Variants in GRB10 observed in about 807,000 individuals in gnomAD.
GRB10 encodes the protein growth factor receptor-bound protein 10.
In GRB10, 20 loss-of-function variants were observed where a neutral mutation model predicts 80.9. The observed-to-expected ratio is 0.25, with a 90% confidence interval of 0.17 to 0.36. The LOEUF is 0.36. Ranked by LOEUF, GRB10 falls within the 10% of genes least tolerant of loss-of-function variation. The probability of loss-of-function intolerance (pLI) is 1.00; values close to 1 mark genes in which losing one functional copy is unlikely to be tolerated. For missense variants in GRB10, 548 were observed against 747.7 expected (o/e 0.73, Z 3.12); for synonymous variants, 291 against 291.5 (o/e 1.00, Z 0.02).
At chr7:50,780,759 C>G (rs938989204) in intron 1 of GRB10, 23 bp from the exon 2 acceptor site, 3 of 152,202 alleles carry the variant, frequency 2.0e-5, no homozygotes, top group Non-Finnish European at 4.4e-5. Context: ...TAAAACCATT[C>G]TAGTCCAAGC....
chr7:50,639,533 C>A (rs1009696717), intron 7 of GRB10, among the ~76,000 whole-genome samples: 1 of 152,116 alleles, frequency 6.6e-6, no homozygotes, highest in Non-Finnish European at 1.5e-5. Flanking sequence ...ATTAGCCGGG[C>A]GTAGTGGCAG....
chr7:50,687,638 T>C (rs1371930860), intron 5 of GRB10, among the ~76,000 whole-genome samples: 1 of 152,214 alleles, frequency 6.6e-6, no homozygotes, highest in African/African-American at 2.4e-5. Context: ...TGTCACTACC[T>C]TCTTCTCTGC....
At chr7:50,772,235 A>G (rs2077048730) in intron 2 of GRB10, among the ~76,000 whole-genome samples, 1 of 152,182 alleles carries the variant, frequency 6.6e-6, no homozygotes, top group African/African-American at 2.4e-5. Flanking sequence ...TCAAGACCAC[A>G]AAATGGCCAC....
At chr7:50,765,994 G>A (rs373330364) in intron 2 of GRB10, among the ~76,000 whole-genome samples, 20 of 152,256 alleles carry the variant, frequency 1.3e-4, no homozygotes, top group African/African-American at 4.8e-4. Context: ...TAATTCCGCA[G>A]AGCAAAAGGA....
At chr7:50,670,006 C>A in intron 6 of GRB10, 143 bp from the exon 7 acceptor site, 1 of 981,430 alleles carries the variant, frequency 1.0e-6, no homozygotes, top group South Asian at 1.4e-5. Flanking sequence ...GCATCCTTCA[C>A]AAAAGCCAAA....
intron 2 of GRB10, among the ~76,000 whole-genome samples, chr7:50,764,209 TCCA>T (rs1209964925): frequency 1.3e-5 from 2 of 152,204 alleles, no homozygotes; most frequent in African/African-American, 4.8e-5. Context: ...CCTGTCCCTG[TCCA>T]CCCTGAGGGA....
At chr7:50,678,831 T>A (rs1305418919) in intron 5 of GRB10, among the ~76,000 whole-genome samples, 1 of 152,204 alleles carries the variant, frequency 6.6e-6, no homozygotes, top group African/African-American at 2.4e-5. Flanking sequence ...GTCCCATGAA[T>A]CCAAGTGGAT....
At chr7:50,771,473 G>A (rs1460804503) in intron 2 of GRB10, among the ~76,000 whole-genome samples, 1 of 152,168 alleles carries the variant, frequency 6.6e-6, no homozygotes, top group Non-Finnish European at 1.5e-5. Flanking sequence ...GAGTCAGAAG[G>A]AAAATGTCAT....
intron 17 of GRB10, among the ~76,000 whole-genome samples, chr7:50,600,669 A>G (rs150886140): frequency 0.01 from 1,580 of 152,344 alleles, 25 homozygotes; most frequent in African/African-American, 0.037. Context: ...TGGGAAAAAC[A>G]AAAGTGTCTG....
Position 50,673,035 on chromosome 7 carries a change from G to A in GRB10, c.362+1401C>T, listed in dbSNP as rs760048249. Among the ~76,000 whole-genome samples the A allele has an allele frequency of 5.9e-5, 9 of 152,328 alleles. No homozygotes were observed. The South Asian group carries it at 1.7e-3, about 28-fold the overall frequency. ...AGGGCCGCTGCACCCTCTCCCCTCC[G>A]TAAGAAACAGCTGCCACCTGGGGCA... On this transcript the variant is annotated intron_variant, in intron 6 of 18. Transcript: ENST00000401949.
chr7:50,688,701 T>C (rs1187416956), intron 5 of GRB10, among the ~76,000 whole-genome samples: 1 of 149,904 alleles, frequency 6.7e-6, no homozygotes, highest in Non-Finnish European at 1.5e-5. Context: ...TCCCAGACTG[T>C]TTAAAAAAAA....
intron 5 of GRB10, among the ~76,000 whole-genome samples, chr7:50,690,415 A>G (rs2062678660): frequency 6.6e-6 from 1 of 152,242 alleles, no homozygotes. Flanking sequence ...AGGAGACAGA[A>G]TATTCTCATT....
At chr7:50,614,943 G>GT in intron 11 of GRB10, 63 bp from the exon 12 acceptor site, 1 of 993,672 alleles carries the variant, frequency 1.0e-6, no homozygotes, top group Non-Finnish European at 1.6e-6. Context: ...GTTCACCTCT[G>GT]GTAGACAGAG....
At chr7:50,767,185 C>G (rs375731109) in intron 2 of GRB10, among the ~76,000 whole-genome samples, 3 of 152,128 alleles carry the variant, frequency 2.0e-5, no homozygotes, top group African/African-American at 7.2e-5. Context: ...TCCCAGGTAC[C>G]CACTGCCTGG....
At chr7:50,772,606 A>G (rs559575858) in intron 2 of GRB10, among the ~76,000 whole-genome samples, 47 of 152,374 alleles carry the variant, frequency 3.1e-4, no homozygotes, top group African/African-American at 1.1e-3. Context: ...AAGAAATGAA[A>G]GCCATCCAAA....
At chr7:50,742,917 C>T (rs764605943) in intron 3 of GRB10, among the ~76,000 whole-genome samples, 4 of 152,132 alleles carry the variant, frequency 2.6e-5, no homozygotes, top group Non-Finnish European at 5.9e-5. Context: ...GGGGAAACTG[C>T]TGCTACTACA....
At chr7:50,753,954 G>A (rs574847897) in intron 3 of GRB10, among the ~76,000 whole-genome samples, 28 of 152,292 alleles carry the variant, frequency 1.8e-4, no homozygotes, top group Non-Finnish European at 3.5e-4. Context: ...CTTCAACACT[G>A]TAAAGCCTTG....
At chr7:50,669,695 C>T (rs2060164499) in intron 7 of GRB10, 27 bp downstream of exon 7, 1 of 1,609,126 alleles carries the variant, frequency 6.2e-7, no homozygotes, top group Admixed American at 1.7e-5. Context: ...ATCCCTCAGC[C>T]TGGGCTCCAG....
chr7:50,696,371 G>A (rs764169304), intron 5 of GRB10, among the ~76,000 whole-genome samples: 1 of 152,160 alleles, frequency 6.6e-6, no homozygotes, highest in Non-Finnish European at 1.5e-5. Flanking sequence ...CCTCTTTCCA[G>A]TTCTCACAAC....
Sources: allele counts gnomAD v4.1 joint callset (sites outside exome capture counted in the v4.1 genomes callset), GRCh38; gene constraint gnomAD v4.1.1; transcripts MANE v1.5; gene names NCBI Gene and HGNC (gene_info 2026-07-23, HGNC 2026-07-21).